Variants in EXOC2 observed in about 807,000 individuals in gnomAD.
EXOC2 encodes exocyst complex component 2, also known as SEC5-like 1.
A neutral mutation model predicts 131.8 loss-of-function variants in EXOC2; 70 were observed. The ratio of observed to expected loss-of-function variants is 0.53; its 90% confidence interval spans 0.44 to 0.65. EXOC2 has a LOEUF of 0.65. EXOC2 is among the 30% of genes least tolerant of loss of function. The pLI is 0.00. For synonymous variants in EXOC2, 411 were observed against 398.4 expected (o/e 1.03, Z -0.38); for missense variants, 923 against 1,108.6 (o/e 0.83, Z 2.38).
chr6:676,230 C>T (rs111738009), intron 1 of EXOC2, among the ~76,000 whole-genome samples: 10 of 81,750 alleles, frequency 1.2e-4, no homozygotes, highest in African/African-American at 2.5e-4. Flanking sequence ...AGGACAGGTT[C>T]CTCTGGAGAC....
chr6:505,501 CA>C lies in EXOC2; in HGVS notation c.2381-5802del, dbSNP rs200747954. ...TTTCTCCTTTGTAAAACAGAGACAA[CA>C]TTTAAGTGGAATAACGTTTTTAAGA... On this transcript the variant is annotated intron_variant, in intron 23 of 27. Transcript: ENST00000230449. Among the ~76,000 whole-genome samples, 404 of 152,300 alleles carry C rather than the reference CA, an allele frequency of 2.7e-3. 2 individuals are homozygous for C. The highest frequency in any genetic ancestry group is 9.4e-3 in the African/African-American group (392 of 41,558).
chr6:658,645 T>TTATATATA (rs373868934), intron 1 of EXOC2, among the ~76,000 whole-genome samples: 5 of 118,338 alleles, frequency 4.2e-5, no homozygotes, highest in African/African-American at 1.6e-4. Flanking sequence ...TATATATATT[T>TTATATATA]TATATATATA....
At chr6:510,542 A>G (rs1764782846) in intron 23 of EXOC2, among the ~76,000 whole-genome samples, 1 of 152,232 alleles carries the variant, frequency 6.6e-6, no homozygotes, top group Non-Finnish European at 1.5e-5. Context: ...GAAAGACTTT[A>G]TATTCATAAG....
chr6:569,793 A>G (rs1214533352), intron 13 of EXOC2, among the ~76,000 whole-genome samples: 1 of 152,254 alleles, frequency 6.6e-6, no homozygotes, highest in African/African-American at 2.4e-5. Context: ...CGTCATAGGC[A>G]TATCCAATTC....
At chr6:545,267 T>A (rs915035444) in intron 22 of EXOC2, among the ~76,000 whole-genome samples, 5 of 152,004 alleles carry the variant, frequency 3.3e-5, no homozygotes, top group Admixed American at 2.0e-4. Context: ...CTGAATTAGA[T>A]GCTTATTTTT....
At position 563,900 on chromosome 6, in the gene EXOC2, A is replaced by G. The variant is rs559178880; in HGVS notation, c.1789+133T>C. 49 of 1,295,096 alleles carry G rather than the reference A, an allele frequency of 3.8e-5. No homozygotes were observed. The South Asian group carries it at 6.8e-4, about 18-fold the overall frequency. The allele number at this position is 1,295,096 out of a possible 1,614,324, so 80.2% of individuals were successfully genotyped here. On this transcript the variant is annotated intron_variant, in intron 16 of 27. Transcript: ENST00000230449. Reference sequence around the variant, plus strand: ...AAAAACACTTATTGAGCAGCTAGAAATAAGATGAACTAATATATTCCAATT... The same window carrying G: ...AAAAACACTTATTGAGCAGCTAGAAGTAAGATGAACTAATATATTCCAATT...
chr6:496,227 G>A (rs368193200), intron 25 of EXOC2, among the ~76,000 whole-genome samples: 8 of 152,132 alleles, frequency 5.3e-5, no homozygotes, highest in East Asian at 3.8e-4. Context: ...GGAATAAGTC[G>A]TGTTTTCCCA....
chr6:580,250 C>T (rs1233923317), intron 11 of EXOC2, among the ~76,000 whole-genome samples: 1 of 152,134 alleles, frequency 6.6e-6, no homozygotes, highest in Non-Finnish European at 1.5e-5. Flanking sequence ...CTATGTTGGC[C>T]AGGCTGGTCT....
chr6:553,725 C>A lies in EXOC2; in HGVS notation c.2121+129G>T, dbSNP rs1253547595. ...TTCCTGAAAATTTCACATAATAGAG[C>A]TCCAAAGCACAGCACAGTGTCCTAT... On this transcript the variant is annotated intron_variant, in intron 21 of 27. Coordinates refer to ENST00000230449, the MANE Select transcript of EXOC2 (RefSeq NM_018303.6). The A allele has an allele frequency of 4.1e-5, 28 of 682,468 alleles. 1 individual carries two copies. The highest frequency in any genetic ancestry group is 6.9e-5 in the Non-Finnish European group (27 of 389,316). 42.3% of individuals were successfully genotyped at this position (682,468 alleles called of 1,614,324 possible).
intron 10 of EXOC2, 147 bp from the exon 11 acceptor site, chr6:592,734 C>A: frequency 1.6e-6 from 1 of 614,002 alleles, no homozygotes; most frequent in Non-Finnish European, 2.8e-6. Context: ...GAAATATATT[C>A]AAATTTCTTG....
intron 17 of EXOC2, among the ~76,000 whole-genome samples, chr6:558,683 C>T (rs1193312840): frequency 2.0e-5 from 3 of 151,854 alleles, no homozygotes; most frequent in Non-Finnish European, 4.4e-5. Context: ...TGTGGTGGTG[C>T]GTGCCTGTAG....
At chr6:545,372 A>G (rs1305423130) in intron 22 of EXOC2, among the ~76,000 whole-genome samples, 1 of 152,168 alleles carries the variant, frequency 6.6e-6, no homozygotes, top group Non-Finnish European at 1.5e-5. Flanking sequence ...TATACGCTGA[A>G]GTTTATTAAC....
intron 11 of EXOC2, among the ~76,000 whole-genome samples, chr6:585,179 A>G (rs1747603): frequency 0.55 from 83,272 of 151,260 alleles, 22,990 homozygotes; most frequent in Middle Eastern, 0.63. Context: ...AACACCATAA[A>G]CTCTTCCATC....
chr6:567,030 T>A (rs1758001818), intron 13 of EXOC2, among the ~76,000 whole-genome samples: 3 of 152,324 alleles, frequency 2.0e-5, no homozygotes, highest in Non-Finnish European at 2.9e-5. Flanking sequence ...CCAACTCCAC[T>A]GACGAAACCT....
chr6:611,232 G>A (rs77574601), intron 6 of EXOC2, among the ~76,000 whole-genome samples: 4,106 of 152,318 alleles, frequency 0.027, 105 homozygotes, highest in South Asian at 0.11. Flanking sequence ...AGACTTCCAT[G>A]CTGCATGTGT....
chr6:543,861 AG>A (rs913703321), intron 22 of EXOC2, among the ~76,000 whole-genome samples: 7 of 152,196 alleles, frequency 4.6e-5, no homozygotes, highest in Non-Finnish European at 7.3e-5. Flanking sequence ...GGAAACTTCC[AG>A]GGAGGACGTC....
At chr6:619,098 G>A (rs1761156357) in intron 5 of EXOC2, among the ~76,000 whole-genome samples, 2 of 152,156 alleles carry the variant, frequency 1.3e-5, no homozygotes, top group Admixed American at 6.5e-5. Flanking sequence ...AAATTTTTAT[G>A]TTATTTGAGT....
chr6:500,916 T>C (rs780401935), intron 23 of EXOC2, among the ~76,000 whole-genome samples: 3 of 151,342 alleles, frequency 2.0e-5, no homozygotes, highest in Non-Finnish European at 2.9e-5. Context: ...AATATAGAAC[T>C]AGGTTTTGAT....
At chr6:630,619 G>T (rs1761798273) in intron 3 of EXOC2, among the ~76,000 whole-genome samples, 1 of 152,158 alleles carries the variant, frequency 6.6e-6, no homozygotes, top group African/African-American at 2.4e-5. Context: ...GTTCTTGAAA[G>T]CTCTCAAGAA....
Sources: gnomAD v4.1 joint callset for allele counts (sites outside exome capture counted in the v4.1 genomes callset) on GRCh38, gnomAD v4.1.1 for gene constraint, MANE v1.5 for transcripts, NCBI Gene and HGNC (gene_info 2026-07-23, HGNC 2026-07-21) for gene names.